The following GRM7 variants were observed in gnomAD, a reference collection of about 807,000 sequenced individuals.
GRM7 encodes the protein glutamate metabotropic receptor 7, also known as metabotropic glutamate receptor 7.
A neutral mutation model predicts 84.5 loss-of-function variants in GRM7; 35 were observed. The ratio of observed to expected loss-of-function variants is 0.41; its 90% CI spans 0.32 to 0.55. The LOEUF (loss-of-function observed/expected upper bound fraction) is 0.55, where lower values mean the gene tolerates loss of function less well. Among genes scored for constraint, GRM7 ranks in the 20% least tolerant of loss-of-function variants. The pLI is 0.19. For missense variants in GRM7, 1,003 were observed against 1,194.6 expected (o/e 0.84, Z 2.36); for synonymous variants, 487 against 455.1 (o/e 1.07, Z -0.89).
chr3:7,159,149 TAGAG>T lies in GRM7; in HGVS notation c.736+12485_736+12488del, dbSNP rs377314585. Among the ~76,000 whole-genome samples, 5 of 152,284 alleles carry T rather than the reference TAGAG, an allele frequency of 3.3e-5. No individual in the cohort carries two copies. The East Asian group carries it at 9.7e-4, about 29-fold the overall frequency. On this transcript the variant is annotated intron_variant, in intron 2 of 9. Coordinates refer to ENST00000357716, the MANE Select transcript of GRM7 (RefSeq NM_000844.4). Reference sequence around the variant, plus strand: ...TGTGTGAGAAAGATTAAGATTAAAATAGAGAGATGAGACATAATTTGAACCAAAA... The same window carrying T: ...TGTGTGAGAAAGATTAAGATTAAAATAGATGAGACATAATTTGAACCAAAA...
At chr3:7,028,866 A>C (rs1574807483) in intron 1 of GRM7, among the ~76,000 whole-genome samples, 1 of 152,246 alleles carries the variant, frequency 6.6e-6, no homozygotes, top group Non-Finnish European at 1.5e-5. Flanking sequence ...TAATACAATC[A>C]CTTTAGAAAA....
intron 2 of GRM7, among the ~76,000 whole-genome samples, chr3:7,154,136 AG>A (rs891587144): frequency 3.9e-5 from 6 of 152,234 alleles, no homozygotes; most frequent in Non-Finnish European, 7.3e-5. Context: ...TTGTCTTCCA[AG>A]CAATGTGGTA....
chr3:6,971,957 G>A (rs1230424119), intron 1 of GRM7, among the ~76,000 whole-genome samples: 4 of 152,008 alleles, frequency 2.6e-5, no homozygotes, highest in Non-Finnish European at 2.9e-5. Flanking sequence ...ATTAATAATA[G>A]CATTTTAGAA....
At chr3:7,098,484 A>C (rs116780697) in intron 1 of GRM7, among the ~76,000 whole-genome samples, 2,989 of 152,136 alleles carry the variant, frequency 0.02, 94 homozygotes, top group African/African-American at 0.067. Flanking sequence ...ACAGCAAACT[A>C]TAGAATCAGA....
chr3:7,407,026 G>A lies in GRM7; in HGVS notation c.1034-7997G>A, dbSNP rs1695710998. Among the ~76,000 whole-genome samples the A allele has an allele frequency of 4.6e-5, 7 of 152,200 alleles. No homozygotes were observed. The South Asian group carries it at 1.4e-3, about 31-fold the overall frequency. On this transcript the variant is annotated intron_variant, in intron 4 of 9. Transcript: ENST00000357716. The stretch of plus-strand genomic sequence containing the variant: ...GGTAGAAAGGCAAGAGATTAGAAAG[G>A]CAAGAAATTCTACCAACAACAATAA...
intron 1 of GRM7, among the ~76,000 whole-genome samples, chr3:6,963,716 T>C (rs1172994274): frequency 1.3e-5 from 2 of 152,216 alleles, no homozygotes; most frequent in Admixed American, 6.5e-5. Context: ...ATGTGGGTCA[T>C]AGTTTAATTG....
intron 4 of GRM7, among the ~76,000 whole-genome samples, chr3:7,308,766 G>A (rs2125038100): frequency 6.6e-6 from 1 of 152,180 alleles, no homozygotes; most frequent in East Asian, 1.9e-4. Flanking sequence ...TTCAACTGAG[G>A]TCCTCTCTTC....
intron 1 of GRM7, among the ~76,000 whole-genome samples, chr3:6,929,673 A>G (rs1057468535): frequency 1.3e-5 from 2 of 152,210 alleles, no homozygotes; most frequent in Non-Finnish European, 2.9e-5. Context: ...TAAGATGCAT[A>G]TAACAGATAA....
intron 4 of GRM7, among the ~76,000 whole-genome samples, chr3:7,410,878 T>C (rs60179838): frequency 0.039 from 5,911 of 152,164 alleles, 326 homozygotes; most frequent in African/African-American, 0.12. Flanking sequence ...TGGCTACAAA[T>C]TTGGTGCTTT....
intron 7 of GRM7, among the ~76,000 whole-genome samples, chr3:7,514,567 C>T (rs549889591): frequency 4.6e-5 from 7 of 152,298 alleles, no homozygotes; most frequent in Admixed American, 3.3e-4. Context: ...TGAAAGACAA[C>T]TTGCTTGGGG....
rs1349352236 is a variant in GRM7 at position 7,659,322 on chromosome 3, A to G, written c.2452-20727A>G. Among the ~76,000 whole-genome samples the G allele has an allele frequency of 4.6e-5, 7 of 152,200 alleles. No homozygotes were observed. The East Asian group carries it at 1.3e-3, about 29-fold the overall frequency. ...TGTGAGTTGGAGGGAATGTTATTGT[A>G]CAGAAATATGGTCTATAGCTATGAG... On this transcript the variant is annotated intron_variant, in intron 8 of 9. Transcript: ENST00000357716.
chr3:7,716,754 C>G (rs1701782875), intron 9 of GRM7, among the ~76,000 whole-genome samples: 1 of 152,168 alleles, frequency 6.6e-6, no homozygotes, highest in Admixed American at 6.5e-5. Flanking sequence ...TACAGGACAT[C>G]AGTACAGTCA....
At chr3:7,324,449 C>G (rs961877285) in intron 4 of GRM7, among the ~76,000 whole-genome samples, 2 of 152,148 alleles carry the variant, frequency 1.3e-5, no homozygotes, top group African/African-American at 2.4e-5. Flanking sequence ...CTGACCTCAG[C>G]CCAGTTCTAT....
chr3:7,098,501 AT>A (rs1416726674), intron 1 of GRM7, among the ~76,000 whole-genome samples: 1 of 152,034 alleles, frequency 6.6e-6, no homozygotes, highest in African/African-American at 2.4e-5. Flanking sequence ...CAGATATGAG[AT>A]TTTTTTCCTC....
intron 2 of GRM7, among the ~76,000 whole-genome samples, chr3:7,185,370 G>T (rs191036017): frequency 3.9e-5 from 6 of 152,178 alleles, no homozygotes; most frequent in Admixed American, 1.3e-4. Flanking sequence ...ATTATGTCCA[G>T]AAGTTCTTGT....
chr3:7,223,920 T>A (rs1440342620), intron 2 of GRM7, among the ~76,000 whole-genome samples: 1 of 152,212 alleles, frequency 6.6e-6, no homozygotes, highest in Non-Finnish European at 1.5e-5. Context: ...GTCCACTTAG[T>A]CTCTGTTTCT....
intron 1 of GRM7, among the ~76,000 whole-genome samples, chr3:7,018,668 A>C (rs1371235131): frequency 2.0e-5 from 3 of 152,236 alleles, no homozygotes; most frequent in Non-Finnish European, 4.4e-5. Context: ...AGCTAGTCAG[A>C]GCAAAGAGGA....
chr3:7,574,012 GT>G (rs1438619808), intron 7 of GRM7, among the ~76,000 whole-genome samples: 1 of 152,142 alleles, frequency 6.6e-6, no homozygotes. Context: ...CCAGGGTAGA[GT>G]TTTATTAGTG....
intron 8 of GRM7, chr3:7,608,099 G>T (rs1376827883): frequency 3.4e-5 from 9 of 263,780 alleles, no homozygotes; most frequent in South Asian, 2.7e-4. Context: ...TCCATGGTGT[G>T]TATGTACCAC....
Sources: gnomAD v4.1 joint callset for allele counts (sites outside exome capture counted in the v4.1 genomes callset) on GRCh38, gnomAD v4.1.1 for gene constraint, MANE v1.5 for transcripts, NCBI Gene and HGNC (gene_info 2026-07-23, HGNC 2026-07-21) for gene names.